BORCS7: variants seen among roughly 807,000 people sequenced by gnomAD.
BORCS7 encodes the protein BLOC-1-related complex subunit 7.
In BORCS7, 20 loss-of-function variants were observed where a neutral mutation model predicts 17.5. That is an observed-to-expected ratio of 1.14 (90% CI 0.80 to 1.66). The LOEUF (loss-of-function observed/expected upper bound fraction) is 1.66. Ranked by LOEUF, BORCS7 falls within the 40% of genes most tolerant of loss-of-function variation. The pLI is 0.00. For missense variants in BORCS7, 122 were observed against 129.7 expected (o/e 0.94, Z 0.29); for synonymous variants, 57 against 49.8 (o/e 1.14, Z -0.61).
chr10:102,858,164 C>CA (rs778132309), intron 1 of BORCS7, among the ~76,000 whole-genome samples: 1,586 of 111,294 alleles, frequency 0.014, 28 homozygotes, highest in African/African-American at 0.027. Context: ...GACCATGTCT[C>CA]AAAAAAAAAA....
Position 102,864,828 on chromosome 10 carries a change from A to G in BORCS7, c.*1904A>G, listed in dbSNP as rs1435100369. On this transcript the variant is annotated 3_prime_UTR_variant, in exon 5 of 5. Coordinates refer to ENST00000339834, the MANE Select transcript of BORCS7 (RefSeq NM_001136200.2). ...AAACATGGAAAAAATACTTCACTAA[A>G]TAACGTCTAAGTTGTAGAGGTTGTG... 1 of 152,160 alleles carries G rather than the reference A, an allele frequency of 6.6e-6. No individual in the cohort carries two copies. Among genetic ancestry groups the G allele is most frequent in the Non-Finnish European group, 1.5e-5 (1 of 68,008 alleles). 9.4% of individuals were successfully genotyped at this position (152,160 alleles called of 1,614,324 possible). A position where few individuals can be genotyped will look rare whatever the true frequency, so the allele number is the denominator to read the frequency against.
chr10:102,856,781 G>A (rs1191011314), intron 1 of BORCS7, among the ~76,000 whole-genome samples: 1 of 152,218 alleles, frequency 6.6e-6, no homozygotes, highest in Non-Finnish European at 1.5e-5. Context: ...GATGCAGAAT[G>A]CCAATGAATA....
At chr10:102,860,651 G>A in intron 3 of BORCS7, 110 bp downstream of exon 3, 2 of 1,192,126 alleles carry the variant, frequency 1.7e-6, no homozygotes, top group Non-Finnish European at 2.5e-6. Flanking sequence ...TGGGAGTAAA[G>A]GTGGGGGTGG....
At chr10:102,861,214 A>G (rs1844514808) in intron 3 of BORCS7, among the ~76,000 whole-genome samples, 1 of 152,038 alleles carries the variant, frequency 6.6e-6, no homozygotes, top group Admixed American at 6.6e-5. Flanking sequence ...CAGGGGTTCA[A>G]GACCAGCCTG....
At position 102,854,388 on chromosome 10, in the gene BORCS7, G is replaced by A. The variant is rs375146221; in HGVS notation, c.102G>A (p.Ala34=). 1 of 1,556,984 alleles carries A rather than the reference G, an allele frequency of 6.4e-7. No homozygotes were observed. The highest frequency in any genetic ancestry group is 8.7e-7 in the Non-Finnish European group (1 of 1,148,302). ...CCACCTGTGGTACTGACGTAATCGC[G>A]CTCACCAAGCAGGTGCTGAAAGGCT... The part of the protein sequence containing the change: ...KVTTCGTDVI[A]LTKQVLKGSR... The change falls in exon 1 of 5, where the codon GCG becomes GCA. Residue 34 remains alanine (A), a synonymous_variant. Coordinates refer to ENST00000339834, the MANE Select transcript of BORCS7 (RefSeq NM_001136200.2).
At chr10:102,862,066 G>A (rs1844529964) in intron 3 of BORCS7, 94 bp from the exon 4 acceptor site, 4 of 1,209,196 alleles carry the variant, frequency 3.3e-6, no homozygotes, top group East Asian at 2.3e-5. Flanking sequence ...TGTGACATAA[G>A]CTGAAATTTC....
chr10:102,864,032 C>T lies in BORCS7; in HGVS notation c.*1108C>T, dbSNP rs866221519. On this transcript the variant is annotated 3_prime_UTR_variant, in exon 5 of 5. Transcript: ENST00000339834. ...GATGTTTGTCTGTGTTCATTGGATC[C>T]ATCTTTTTAAATGACATTACCATGA... 6.6e-6 allele frequency: 1 copy of T among 152,120 alleles called. No individual in the cohort carries two copies. Among genetic ancestry groups the T allele is most frequent in the Admixed American group, 6.5e-5 (1 of 15,272 alleles). The allele number at this position is 152,120 out of a possible 1,614,324, so 9.4% of individuals were successfully genotyped here. A position where few individuals can be genotyped will look rare whatever the true frequency, so the allele number is the denominator to read the frequency against.
chr10:102,854,945 A>G (rs1012946208), intron 1 of BORCS7, among the ~76,000 whole-genome samples: 2 of 147,342 alleles, frequency 1.4e-5, no homozygotes, highest in Non-Finnish European at 1.5e-5. Flanking sequence ...TATTACATAT[A>G]TAATATACAT....
rs1844532975 is a variant in BORCS7, at chr10:102,862,193, A to G, written c.269+13A>G. ...CTATTCAGAAGAAGTAAGTAACCCC[A>G]AAGGTAGAGGAGTAGGGAACCAACT... On this transcript the variant is annotated intron_variant, in intron 4 of 4. Coordinates refer to ENST00000339834, the MANE Select transcript of BORCS7 (RefSeq NM_001136200.2). 6.2e-7 allele frequency: 1 copy of G among 1,607,910 alleles called. No homozygotes were observed.
rs1053154767 is a variant in BORCS7, at chr10:102,855,860, C to T, written c.141+1433C>T. On this transcript the variant is annotated intron_variant, in intron 1 of 4. Coordinates refer to ENST00000339834, the MANE Select transcript of BORCS7 (RefSeq NM_001136200.2). ...CACTGCAACCTCTGCCTCCTGGGTT[C>T]AAGCGATTCTCCTGCCTCAGCCTCC... Among the ~76,000 whole-genome samples the T allele has an allele frequency of 2.6e-5, 4 of 152,192 alleles. 1 individual carries two copies. The East Asian group carries it at 5.8e-4, about 22-fold the overall frequency.
intron 1 of BORCS7, among the ~76,000 whole-genome samples, chr10:102,855,918 C>T (rs1844420072): frequency 6.6e-6 from 1 of 152,106 alleles, no homozygotes; most frequent in African/African-American, 2.4e-5. Context: ...CCTGCCACCA[C>T]ACCCAGCTAA....
chr10:102,859,225 C>T (rs1199824207), intron 1 of BORCS7, among the ~76,000 whole-genome samples: 3 of 151,198 alleles, frequency 2.0e-5, no homozygotes, highest in Admixed American at 1.3e-4. Flanking sequence ...TCACTGCAAC[C>T]TCTGCCTCCC....
intron 1 of BORCS7, among the ~76,000 whole-genome samples, chr10:102,857,763 C>T (rs1449089144): frequency 2.0e-5 from 3 of 152,148 alleles, no homozygotes; most frequent in Admixed American, 1.3e-4. Context: ...GTGTGGTACT[C>T]TGCAGTTGTA....
chr10:102,859,536 C>T (rs1844482677), intron 1 of BORCS7, among the ~76,000 whole-genome samples: 1 of 93,050 alleles, frequency 1.1e-5, no homozygotes, highest in Admixed American at 1.1e-4. Flanking sequence ...CTTCCCCACA[C>T]CCCCCACTGT....
chr10:102,862,026 T>C (rs761102802), intron 3 of BORCS7, 134 bp from the exon 4 acceptor site: 2 of 847,172 alleles, frequency 2.4e-6, no homozygotes, highest in Non-Finnish European at 3.7e-6. Flanking sequence ...AATAGCACAA[T>C]CTTAGGATAG....
At chr10:102,860,947 C>G (rs1270811346) in intron 3 of BORCS7, 1 of 246,080 alleles carries the variant, frequency 4.1e-6, no homozygotes, top group East Asian at 9.0e-5. Flanking sequence ...TGAAGTATAA[C>G]ATACCTGTAT....
chr10:102,854,375 C>G lies in BORCS7; in HGVS notation c.89C>G (p.Thr30Ser). Residue 30 changes from threonine to serine, a missense_variant, in exon 1 of 5, where the codon ACT (threonine) becomes AGT (serine). Thr to Ser is a moderately conservative substitution (Grantham distance 58, BLOSUM62 1). Transcript: ENST00000339834. The stretch of plus-strand genomic sequence containing the variant: ...ACGGAGAAGGTGACCACCTGTGGTA[C>G]TGACGTAATCGCGCTCACCAAGCAG... ...LLTEKVTTCG[T>S]DVIALTKQVL... 1.3e-6 allele frequency: 2 copies of G among 1,568,558 alleles called. No individual in the cohort carries two copies. The highest frequency in any genetic ancestry group is 2.3e-5 in the East Asian group (1 of 43,064).
intron 1 of BORCS7, among the ~76,000 whole-genome samples, chr10:102,858,101 G>A (rs943291874): frequency 6.6e-6 from 1 of 150,806 alleles, no homozygotes; most frequent in Non-Finnish European, 1.5e-5. Context: ...GGAGGTTGAG[G>A]CTTCAGTGAA....
intron 1 of BORCS7, among the ~76,000 whole-genome samples, chr10:102,856,856 A>G (rs1446017225): frequency 1.3e-5 from 2 of 152,180 alleles, no homozygotes; most frequent in African/African-American, 2.4e-5. Flanking sequence ...CACAACTCCC[A>G]TTGAGTCTGT....
Sources: gnomAD v4.1 joint callset for allele counts (sites outside exome capture counted in the v4.1 genomes callset) on GRCh38, gnomAD v4.1.1 for gene constraint, MANE v1.5 for transcripts, NCBI Gene and HGNC (gene_info 2026-07-23, HGNC 2026-07-21) for gene names.